UTRN: variants seen among roughly 807,000 people sequenced by gnomAD.
The protein encoded by UTRN is utrophin.
A neutral mutation model predicts 463.9 loss-of-function variants in UTRN; 283 were observed. The observed-to-expected ratio is 0.61, with a 90% CI of 0.55 to 0.67. The LOEUF is 0.67. UTRN is among the 30% of genes least tolerant of loss of function. The pLI is 0.00. For missense variants in UTRN, 3,922 were observed against 4,084.3 expected (o/e 0.96, Z 1.08); for synonymous variants, 1,442 against 1,431.5 (o/e 1.01, Z -0.17).
chr6:144,353,547 T>A (rs547044131), intron 2 of UTRN, among the ~76,000 whole-genome samples: 1 of 152,292 alleles, frequency 6.6e-6, no homozygotes, highest in African/African-American at 2.4e-5. Flanking sequence ...CGTGAGCCAC[T>A]GTGCCTGGCT....
intron 51 of UTRN, among the ~76,000 whole-genome samples, chr6:144,632,959 G>T (rs1249102244): frequency 6.6e-6 from 1 of 152,092 alleles, no homozygotes; most frequent in African/African-American, 2.4e-5. Context: ...AACCTCAGGT[G>T]ATCTGCCCGC....
chr6:144,474,202 A>G (rs1790956376), intron 24 of UTRN, among the ~76,000 whole-genome samples: 1 of 150,996 alleles, frequency 6.6e-6, no homozygotes, highest in Non-Finnish European at 1.5e-5. Flanking sequence ...TGTTTTTCTT[A>G]AATCCTCACC....
chr6:144,622,184 G>GTTGTTTTTTTTTTTT (rs1371864579), intron 51 of UTRN, among the ~76,000 whole-genome samples: 1 of 88,200 alleles, frequency 1.1e-5, no homozygotes, highest in East Asian at 4.3e-4. Context: ...TTTTTTTGTT[G>GTTGTTTTTTTTTTTT]TTTTTTTTTT....
At chr6:144,295,475 A>G (rs1804595738) in intron 2 of UTRN, among the ~76,000 whole-genome samples, 1 of 152,216 alleles carries the variant, frequency 6.6e-6, no homozygotes, top group Non-Finnish European at 1.5e-5. Context: ...GAACTGTTTG[A>G]TGAATGAAAT....
At chr6:144,450,160 CTCTT>C (rs1388484168) in intron 17 of UTRN, among the ~76,000 whole-genome samples, 6 of 152,338 alleles carry the variant, frequency 3.9e-5, no homozygotes, top group Admixed American at 2.6e-4. Flanking sequence ...CGACTCGTCT[CTCTT>C]TAATGCCTTC....
chr6:144,745,922 T>A (rs1489071175), intron 54 of UTRN, among the ~76,000 whole-genome samples: 3 of 151,730 alleles, frequency 2.0e-5, no homozygotes, highest in African/African-American at 7.3e-5. Context: ...TAAGAATGAT[T>A]TTTTTATCTT....
At position 144,433,389 on chromosome 6, in the gene UTRN, G is replaced by T. The variant is rs113420772; in HGVS notation, c.856-2546G>T. Among the ~76,000 whole-genome samples the T allele has an allele frequency of 3.0e-3, 459 of 152,016 alleles. 1 individual carries two copies. Among genetic ancestry groups the T allele is most frequent in the Admixed American group, 5.4e-3 (82 of 15,296 alleles). The stretch of plus-strand genomic sequence containing the variant: ...TGACCCCCACCTCCCTCCCGGACGG[G>T]GTGGCTGCCGGGCGGAGACGCTCCT... On this transcript the variant is annotated intron_variant, in intron 9 of 74. Transcript: ENST00000367545.
chr6:144,732,245 T>TATATATACAC (rs1788676808), intron 54 of UTRN, among the ~76,000 whole-genome samples: 1 of 108,420 alleles, frequency 9.2e-6, no homozygotes, highest in African/African-American at 5.5e-5. Context: ...TATACATATA[T>TATATATACAC]ATATATATAT....
intron 50 of UTRN, among the ~76,000 whole-genome samples, chr6:144,562,611 G>A (rs372494508): frequency 6.6e-6 from 1 of 152,184 alleles, no homozygotes; most frequent in South Asian, 2.1e-4. Context: ...TCATTGATAG[G>A]TATTTGGGTT....
chr6:144,478,629 C>T (rs1791500299), intron 25 of UTRN, among the ~76,000 whole-genome samples: 1 of 152,152 alleles, frequency 6.6e-6, no homozygotes, highest in South Asian at 2.1e-4. Flanking sequence ...CTGGGAAAGC[C>T]TCTGTCTCTT....
chr6:144,388,261 C>G (rs181204577), intron 2 of UTRN, among the ~76,000 whole-genome samples: 167 of 152,126 alleles, frequency 1.1e-3, no homozygotes, highest in African/African-American at 3.9e-3. Flanking sequence ...TTGTGAAAAT[C>G]CTTCCATGTC....
intron 52 of UTRN, among the ~76,000 whole-genome samples, chr6:144,690,743 T>C (rs1178162044): frequency 6.6e-6 from 1 of 152,098 alleles, no homozygotes; most frequent in African/African-American, 2.4e-5. Flanking sequence ...CTACTCCCCA[T>C]TGCTCACTAC....
At chr6:144,431,296 T>C (rs1419343753) in intron 9 of UTRN, among the ~76,000 whole-genome samples, 1 of 152,114 alleles carries the variant, frequency 6.6e-6, no homozygotes, top group Admixed American at 6.5e-5. Context: ...CACTTCTGTT[T>C]AGGGCTCAGC....
intron 65 of UTRN, among the ~76,000 whole-genome samples, chr6:144,812,506 T>C (rs1321111185): frequency 6.6e-6 from 1 of 152,180 alleles, no homozygotes; most frequent in Non-Finnish European, 1.5e-5. Flanking sequence ...TAAAGTAAGA[T>C]TATACAGTTT....
chr6:144,528,994 T>G (rs1015322751), intron 41 of UTRN, among the ~76,000 whole-genome samples: 2 of 151,902 alleles, frequency 1.3e-5, no homozygotes, highest in African/African-American at 2.4e-5. Context: ...GGGATGGGGG[T>G]GTGGTTCCCA....
rs955500485 is a variant in UTRN at position 144,619,236 on chromosome 6, A to G, written c.7479+41948A>G. 2.6e-5 allele frequency among the ~76,000 whole-genome samples: 4 copies of G among 152,202 alleles called. No homozygotes were observed. The East Asian group carries it at 7.7e-4, about 29-fold the overall frequency. Reference sequence around the variant, plus strand: ...ATTTTTAATATTGTGCCAGACTATCATTATTAATTTTTAAATCAATATGTA... The same window carrying G: ...ATTTTTAATATTGTGCCAGACTATCGTTATTAATTTTTAAATCAATATGTA... On this transcript the variant is annotated intron_variant, in intron 51 of 74. Transcript: ENST00000367545.
intron 66 of UTRN, among the ~76,000 whole-genome samples, chr6:144,825,541 T>A (rs1356208044): frequency 6.6e-6 from 1 of 152,188 alleles, no homozygotes; most frequent in Non-Finnish European, 1.5e-5. Context: ...TCAGTTCAGT[T>A]CTCTACCCTT....
intron 52 of UTRN, among the ~76,000 whole-genome samples, chr6:144,694,441 G>T (rs1031647050): frequency 1.3e-5 from 2 of 152,014 alleles, no homozygotes; most frequent in Admixed American, 6.6e-5. Context: ...CCTCAATTTT[G>T]TGGAACAGTT....
At chr6:144,556,939 C>T (rs1347723067) in intron 49 of UTRN, among the ~76,000 whole-genome samples, 1 of 152,166 alleles carries the variant, frequency 6.6e-6, no homozygotes, top group African/African-American at 2.4e-5. Context: ...GTAATATTGT[C>T]ATCTATGTAC....
Sources: gnomAD v4.1 joint callset for allele counts (sites outside exome capture counted in the v4.1 genomes callset) on GRCh38, gnomAD v4.1.1 for gene constraint, MANE v1.5 for transcripts, NCBI Gene and HGNC (gene_info 2026-07-23, HGNC 2026-07-21) for gene names.